Variants in LSM12 observed in about 807,000 individuals in gnomAD.
LSM12 encodes LSM12 homolog.
For synonymous variants in LSM12, 74 were observed against 87.3 expected (o/e 0.85, Z 0.85); for missense variants, 108 against 238.9 (o/e 0.45, Z 3.61).
chr17:44,062,675 T>G (rs935200063), intron 2 of LSM12, among the ~76,000 whole-genome samples: 1 of 151,990 alleles, frequency 6.6e-6, no homozygotes, highest in African/African-American at 2.4e-5. Flanking sequence ...TCACTTGAGG[T>G]CAGAAGTTCA....
At chr17:44,038,899 G>A (rs952039898) in intron 3 of LSM12, among the ~76,000 whole-genome samples, 14 of 151,966 alleles carry the variant, frequency 9.2e-5, no homozygotes, top group African/African-American at 3.1e-4. Flanking sequence ...AAACAGCTCT[G>A]ATGCCAGCTG....
chr17:44,050,038 G>A (rs2049622022), intron 2 of LSM12, among the ~76,000 whole-genome samples: 2 of 152,220 alleles, frequency 1.3e-5, no homozygotes, highest in Admixed American at 1.3e-4. Flanking sequence ...GTCATCGTAA[G>A]GGCCCTTGCA....
intron 2 of LSM12, among the ~76,000 whole-genome samples, chr17:44,057,444 G>A (rs923201646): frequency 6.6e-6 from 1 of 150,852 alleles, no homozygotes; most frequent in African/African-American, 2.4e-5. Context: ...CACCGTGCCT[G>A]GGTGAGACTT....
At chr17:44,037,603 GAATA>G in intron 3 of LSM12, 65 bp from the exon 4 acceptor site, 2 of 1,504,224 alleles carry the variant, frequency 1.3e-6, no homozygotes, top group South Asian at 2.8e-5. Context: ...CCTGTCTGAT[GAATA>G]AATAACTCCA....
intron 1 of LSM12, among the ~76,000 whole-genome samples, chr17:44,064,732 C>CA (rs879636307): frequency 0.011 from 692 of 63,190 alleles, 4 homozygotes; most frequent in East Asian, 0.02. Context: ...GACTCCGTCT[C>CA]AAAAAAAAAA....
rs1426301439 is a variant in LSM12 at position 44,057,527 on chromosome 17, G to A, written c.258+6274C>T. On this transcript the variant is annotated intron_variant, in intron 2 of 4. Coordinates refer to ENST00000293406, the MANE Select transcript of LSM12 (RefSeq NM_001371445.1). The stretch of plus-strand genomic sequence containing the variant: ...CTGTAATCCCAGCACTTTGGGAGGC[G>A]GAGGTGGGCGGATCATGAGGTCAGG... 2.7e-5 allele frequency among the ~76,000 whole-genome samples: 4 copies of A among 148,910 alleles called. 1 individual carries two copies. Among genetic ancestry groups the A allele is most frequent in the African/African-American group, 7.4e-5 (3 of 40,360 alleles).
chr17:44,064,589 C>T (rs1432557832), intron 1 of LSM12, among the ~76,000 whole-genome samples: 3 of 151,962 alleles, frequency 2.0e-5, no homozygotes, highest in South Asian at 2.1e-4. Context: ...AAAAATTAGC[C>T]GGGTGTGGTG....
Position 44,034,462 on chromosome 17 carries a change from A to C in LSM12, c.*1746T>G, listed in dbSNP as rs909640873. Among the ~76,000 whole-genome samples, 6 of 151,890 alleles carry C rather than the reference A, an allele frequency of 4.0e-5. No individual in the cohort carries two copies. Among genetic ancestry groups the C allele is most frequent in the Non-Finnish European group, 8.8e-5 (6 of 67,978 alleles). On this transcript the variant is annotated 3_prime_UTR_variant, in exon 5 of 5. Transcript: ENST00000293406. ...ACCTACACACCACTCCAAACCCTGG[A>C]CCCCCATCTTAAATTATACCCTGCA...
intron 3 of LSM12, 142 bp from the exon 4 acceptor site, chr17:44,037,680 T>G: frequency 3.1e-6 from 3 of 972,492 alleles, no homozygotes; most frequent in Non-Finnish European, 2.9e-6. Context: ...GCAGCCCATA[T>G]AGTAGCCAAG....
intron 2 of LSM12, among the ~76,000 whole-genome samples, chr17:44,044,095 T>C (rs2049530575): frequency 6.6e-6 from 1 of 152,082 alleles, no homozygotes; most frequent in African/African-American, 2.4e-5. Context: ...CTTAAAAACA[T>C]AACATCACCC....
intron 2 of LSM12, among the ~76,000 whole-genome samples, chr17:44,044,275 T>C (rs1017348632): frequency 9.2e-5 from 14 of 152,120 alleles, no homozygotes; most frequent in African/African-American, 3.4e-4. Context: ...CAGCCAGAAG[T>C]GATTCTTTAG....
chr17:44,052,766 A>AT (rs1567959822), intron 2 of LSM12, among the ~76,000 whole-genome samples: 3 of 150,868 alleles, frequency 2.0e-5, no homozygotes, highest in South Asian at 2.1e-4. Flanking sequence ...TCTTAAAAAA[A>AT]ATATATATTT....
Position 44,054,365 on chromosome 17 carries a change from A to G in LSM12, c.258+9436T>C, listed in dbSNP as rs575009052. 4.6e-5 allele frequency among the ~76,000 whole-genome samples: 7 copies of G among 152,150 alleles called. No individual in the cohort carries two copies. In the East Asian group the frequency reaches 1.4e-3, roughly 30 times the overall value. On this transcript the variant is annotated intron_variant, in intron 2 of 4. Transcript: ENST00000293406. Reference sequence around the variant, plus strand: ...CTCACTCTGTCACCCAGGCTGGAGTACAGTGGCATGACTACAGCTCACTGC... The same window carrying G: ...CTCACTCTGTCACCCAGGCTGGAGTGCAGTGGCATGACTACAGCTCACTGC...
intron 2 of LSM12, among the ~76,000 whole-genome samples, chr17:44,044,098 C>T (rs1347762234): frequency 6.6e-6 from 1 of 152,138 alleles, no homozygotes; most frequent in African/African-American, 2.4e-5. Context: ...AAAAACATAA[C>T]ATCACCCCAT....
At chr17:44,043,331 A>G (rs919668284) in intron 2 of LSM12, among the ~76,000 whole-genome samples, 3 of 152,200 alleles carry the variant, frequency 2.0e-5, no homozygotes, top group South Asian at 2.1e-4. Context: ...ATATATATAT[A>G]ATCTTTCAAG....
intron 2 of LSM12, among the ~76,000 whole-genome samples, chr17:44,053,892 T>C (rs895714414): frequency 3.3e-5 from 5 of 152,172 alleles, no homozygotes; most frequent in African/African-American, 1.2e-4. Context: ...GCCTGTTCTC[T>C]GCCAGAAAAA....
intron 2 of LSM12, among the ~76,000 whole-genome samples, chr17:44,059,931 G>A (rs949874500): frequency 2.6e-5 from 4 of 152,108 alleles, no homozygotes; most frequent in Non-Finnish European, 4.4e-5. Context: ...TTGGGAGGCC[G>A]AGGCGGGCGG....
rs9900620 is a variant in LSM12, at chr17:44,066,669, G to C, written c.-82C>G. On this transcript the variant is annotated 5_prime_UTR_variant, in exon 1 of 5. Coordinates refer to ENST00000293406, the MANE Select transcript of LSM12 (RefSeq NM_001371445.1). ...CCCCCAGTGAGCGCCGCGACGCGACGGCGCGCACGGAGCGTGCTTGCGTCA... is the reference window on the plus strand; with the variant it reads ...CCCCCAGTGAGCGCCGCGACGCGACCGCGCGCACGGAGCGTGCTTGCGTCA... The C allele has an allele frequency of 2.8e-3, 3,589 of 1,262,718 alleles. 84 individuals carry two copies. In the African/African-American group the frequency reaches 0.052, roughly 18 times the overall value. 78.2% of individuals were successfully genotyped at this position (1,262,718 alleles called of 1,614,324 possible).
At chr17:44,065,813 C>A (rs919614822) in intron 1 of LSM12, among the ~76,000 whole-genome samples, 3 of 152,080 alleles carry the variant, frequency 2.0e-5, no homozygotes. Flanking sequence ...GTGCAAACAT[C>A]CCCTAAACAG....
Sources: gnomAD v4.1 joint callset for allele counts (sites outside exome capture counted in the v4.1 genomes callset) on GRCh38, gnomAD v4.1.1 for gene constraint, MANE v1.5 for transcripts, NCBI Gene and HGNC (gene_info 2026-07-23, HGNC 2026-07-21) for gene names.